The following NFRKB variants were observed in gnomAD, a reference collection of about 807,000 sequenced individuals.
NFRKB encodes the protein nuclear factor related to kappa-B-binding protein.
A neutral mutation model predicts 135.7 loss-of-function variants in NFRKB; 62 were observed. The ratio of observed to expected loss-of-function variants is 0.46; its 90% CI spans 0.37 to 0.56. The LOEUF (loss-of-function observed/expected upper bound fraction) is 0.56, where lower values mean the gene tolerates loss of function less well. Among genes scored for constraint, NFRKB ranks in the 20% least tolerant of loss-of-function variants. The probability of loss-of-function intolerance (pLI) is 0.00; values close to 1 mark genes in which losing one functional copy is unlikely to be tolerated. For synonymous variants in NFRKB, 678 were observed against 635.6 expected (o/e 1.07, Z -1.00); for missense variants, 1,545 against 1,662.0 (o/e 0.93, Z 1.22).
At chr11:129,888,893 C>G in intron 3 of NFRKB, 98 bp from the exon 4 acceptor site, 1 of 864,466 alleles carries the variant, frequency 1.2e-6, no homozygotes, top group Non-Finnish European at 1.8e-6. Flanking sequence ...ATAAGATTTA[C>G]CAATTTAACC....
At chr11:129,889,951 CGTGTGTGTGTGTGT>C (rs56216860) in intron 3 of NFRKB, among the ~76,000 whole-genome samples, 4 of 135,286 alleles carry the variant, frequency 3.0e-5, no homozygotes, top group African/African-American at 8.4e-5. Flanking sequence ...TATTGTCTTA[CGTGTGTGTGTGTGT>C]GTGTGTGTGT....
At chr11:129,889,824 A>AG (rs1949456065) in intron 3 of NFRKB, among the ~76,000 whole-genome samples, 1 of 151,586 alleles carries the variant, frequency 6.6e-6, no homozygotes, top group Non-Finnish European at 1.5e-5. Flanking sequence ...AACACAAAAG[A>AG]AAGGATAGCA....
Position 129,870,168 on chromosome 11 carries a change from A to G in NFRKB, c.2857T>C (p.Leu953=). The G allele has an allele frequency of 6.2e-7, 1 of 1,614,184 alleles. No homozygotes were observed. The highest frequency in any genetic ancestry group is 8.5e-7 in the Non-Finnish European group (1 of 1,180,044). Residue 953 remains leucine (L), a synonymous_variant, in exon 24 of 27, where the codon TTG becomes CTG. Transcript: ENST00000682444. Reference sequence around the variant, plus strand: ...GTGATGGAAGAGGGCGGCAGACGCAATACATCCTTACCCTGGATGCGGAAG... The same window carrying G: ...GTGATGGAAGAGGGCGGCAGACGCAGTACATCCTTACCCTGGATGCGGAAG... ...TNFRIQGKDV[L]RLPPSSITTD...
In NFRKB at chr11:129,868,662, TTAC is replaced by T. The variant is rs1254286230; in HGVS notation, c.3531+829_3531+831del. On this transcript the variant is annotated intron_variant, in intron 24 of 26. Coordinates refer to ENST00000682444, the MANE Select transcript of NFRKB (RefSeq NM_001143835.2). ...CCTTTAGCAGAGCCCCTTCTACCGGTTACTACACCATTCAAAAGACCCCAGTCA... is the reference window on the plus strand; with the variant it reads ...CCTTTAGCAGAGCCCCTTCTACCGGTTACACCATTCAAAAGACCCCAGTCA... Among the ~76,000 whole-genome samples, 7 of 152,318 alleles carry T rather than the reference TTAC, an allele frequency of 4.6e-5. No homozygotes were observed. The South Asian group carries it at 1.2e-3, about 27-fold the overall frequency.
At position 129,885,419 on chromosome 11, in the gene NFRKB, G is replaced by A; in HGVS notation, c.640+16C>T. The A allele has an allele frequency of 3.1e-6, 5 of 1,589,640 alleles. No homozygotes were observed. Among genetic ancestry groups the A allele is most frequent in the South Asian group, 1.1e-5 (1 of 89,376 alleles). ...ATCCAATACCCCAGCTACCCCAAGT[G>A]CCCGAGGACACTCACCCTCTTCATC... On this transcript the variant is annotated intron_variant, in intron 6 of 26. Coordinates refer to ENST00000682444, the MANE Select transcript of NFRKB (RefSeq NM_001143835.2).
At chr11:129,875,978 C>T (rs1948748823) in intron 17 of NFRKB, among the ~76,000 whole-genome samples, 1 of 152,122 alleles carries the variant, frequency 6.6e-6, no homozygotes, top group Admixed American at 6.5e-5. Flanking sequence ...TTAAGAGTCA[C>T]TTTTAGGTAA....
chr11:129,888,323 T>C, intron 4 of NFRKB: 1 of 628,454 alleles, frequency 1.6e-6, no homozygotes, highest in South Asian at 1.9e-5. Flanking sequence ...TCTAGTATGC[T>C]GGAAATGTTT....
intron 3 of NFRKB, among the ~76,000 whole-genome samples, chr11:129,892,396 C>G (rs1468597339): frequency 6.6e-6 from 1 of 152,100 alleles, no homozygotes; most frequent in Non-Finnish European, 1.5e-5. Flanking sequence ...CTTTTTATGG[C>G]TGAGTAGTAT....
chr11:129,870,379 A>G (rs929775044), intron 23 of NFRKB, 118 bp from the exon 24 acceptor site: 9 of 1,211,802 alleles, frequency 7.4e-6, no homozygotes, highest in Admixed American at 5.0e-5. Flanking sequence ...TTAACTTTTT[A>G]TTTTGCAAAC....
intron 8 of NFRKB, among the ~76,000 whole-genome samples, chr11:129,883,721 T>G (rs1407518059): frequency 2.0e-5 from 3 of 152,102 alleles, no homozygotes; most frequent in Admixed American, 2.0e-4. Flanking sequence ...ATGGAAACAG[T>G]AAAAAGTGGG....
At position 129,869,772 on chromosome 11, in the gene NFRKB, C is replaced by G. The variant is rs1342325329; in HGVS notation, c.3253G>C (p.Ala1085Pro). ...STVASSEAKP[A>P]ATIRIVQGLG... The stretch of plus-strand genomic sequence containing the variant: ...CCCTGCACGATGCGGATCGTGGCAG[C>G]TGGTTTTGCTTCTGAAGAGGCCACT... Residue 1085 changes from alanine to proline, a missense_variant, in exon 24 of 27, where the codon GCT (alanine) becomes CCT (proline). By Grantham distance (27) the Ala-to-Pro change is conservative (BLOSUM62 -1). Transcript: ENST00000682444. The G allele has an allele frequency of 3.7e-6, 6 of 1,614,254 alleles. No homozygotes were observed. The South Asian group carries it at 5.5e-5, about 15-fold the overall frequency.
At position 129,882,571 on chromosome 11, in the gene NFRKB, T is replaced by C; in HGVS notation, c.962A>G (p.Lys321Arg). 1 of 1,614,166 alleles carries C rather than the reference T, an allele frequency of 6.2e-7. No homozygotes were observed. The highest frequency in any genetic ancestry group is 1.1e-5 in the South Asian group (1 of 91,088). ...KVKEKEEKKK[K>R]KIKTIKSEAE... is the part of the protein sequence containing the mutation. The stretch of plus-strand genomic sequence containing the variant: ...CTCTGATTTGATCGTTTTTATTTTC[T>C]TCTTCTTCTTTTCCTCTTTTTCCTT... The change falls in exon 10 of 27, where the codon AAG becomes AGG. Residue 321 changes from lysine (K) to arginine (R), a missense_variant. Physicochemically the swap from Lys to Arg is conservative, Grantham distance 26. Around this residue, in one of 3 missense-constraint regions of NFRKB, gnomAD observed 678 missense variants for 646.7 expected, o/e 1.05. Coordinates refer to ENST00000682444, the MANE Select transcript of NFRKB (RefSeq NM_001143835.2).
At position 129,882,558 on chromosome 11, in the gene NFRKB, C is replaced by A. The variant is rs775574452; in HGVS notation, c.975G>T (p.Thr325=). The A allele has an allele frequency of 6.2e-7, 1 of 1,614,070 alleles. No individual in the cohort carries two copies. Among genetic ancestry groups the A allele is most frequent in the Non-Finnish European group, 8.5e-7 (1 of 1,179,986 alleles). ...KEEKKKKKIK[T]IKSEAEDLAE... The stretch of plus-strand genomic sequence containing the variant: ...CCAGGTCCTCTGCCTCTGATTTGAT[C>A]GTTTTTATTTTCTTCTTCTTCTTTT... Residue 325 remains threonine, a synonymous_variant, in exon 10 of 27, where the codon ACG becomes ACT. Coordinates refer to ENST00000682444, the MANE Select transcript of NFRKB (RefSeq NM_001143835.2).
chr11:129,881,607 T>G, intron 12 of NFRKB, 99 bp from the exon 13 acceptor site: 2 of 1,590,764 alleles, frequency 1.3e-6, no homozygotes, highest in Non-Finnish European at 1.7e-6. Context: ...AGCAGGAACC[T>G]TCAAGGCATA....
At position 129,876,871 on chromosome 11, in the gene NFRKB, G is replaced by A. The variant is rs909056211; in HGVS notation, c.1597C>T (p.His533Tyr). 1 of 1,614,000 alleles carries A rather than the reference G, an allele frequency of 6.2e-7. No homozygotes were observed. The highest frequency in any genetic ancestry group is 1.3e-5 in the African/African-American group (1 of 74,904). ...TGCATGCGAAAGGTGAACGCCTTAT[G>A]GGGTTGGCTATACCTGTAACGCTCC... ...EQERYRYSQP[H>Y]KAFTFRMHGF... Residue 533 changes from histidine (H) to tyrosine (Y), a missense_variant, in exon 17 of 27, where the codon CAT becomes TAT. Physicochemically the swap from His to Tyr is moderately conservative, Grantham distance 83. This residue lies in a region of NFRKB where 114 missense variants were observed against 211.0 expected (regional missense o/e 0.54). Coordinates refer to ENST00000682444, the MANE Select transcript of NFRKB (RefSeq NM_001143835.2).
Position 129,874,495 on chromosome 11 carries a change from A to T in NFRKB, c.2058+6T>A. ...CTAGGGCAGACACTCTCCTGAAGTC[A>T]CTTACCACCTTGGATGGGGGCTTGG... is the stretch of plus-strand genomic sequence containing the variant. On this transcript the variant is annotated splice_donor_region_variant and intron_variant, in intron 20 of 26. Transcript: ENST00000682444. The surrounding 1 kb of genome is among the most constrained non-coding windows in gnomAD (Gnocchi z 4.5). 1 of 1,613,122 alleles carries T rather than the reference A, an allele frequency of 6.2e-7. No homozygotes were observed. Among genetic ancestry groups the T allele is most frequent in the Non-Finnish European group, 8.5e-7 (1 of 1,179,662 alleles).
In NFRKB at chr11:129,864,691, C is replaced by A. The variant is rs1397542177; in HGVS notation, c.*34G>T. The A allele has an allele frequency of 1.2e-6, 2 of 1,613,556 alleles. No individual in the cohort carries two copies. The highest frequency in any genetic ancestry group is 1.7e-6 in the Non-Finnish European group (2 of 1,179,988). ...CCCTTCTCAGCCAGGACAGACCAGG[C>A]ATGGTCTTTCACGGAAGCCATCCTC... On this transcript the variant is annotated 3_prime_UTR_variant, in exon 27 of 27. Coordinates refer to ENST00000682444, the MANE Select transcript of NFRKB (RefSeq NM_001143835.2).
rs1949521750 is a variant in NFRKB at position 129,890,732 on chromosome 11, C to T, written c.136-1937G>A. Among the ~76,000 whole-genome samples the T allele has an allele frequency of 1.3e-5, 2 of 152,120 alleles. 1 individual carries two copies. The highest frequency in any genetic ancestry group is 4.1e-4 in the South Asian group (2 of 4,830). ...TAAGCACTTAATAAACGGTAGCCAC[C>T]TTAATGATGACAATGACGCATCTTG... On this transcript the variant is annotated intron_variant, in intron 3 of 26. Coordinates refer to ENST00000682444, the MANE Select transcript of NFRKB (RefSeq NM_001143835.2).
rs1234670923 is a variant in NFRKB at position 129,873,859 on chromosome 11, G to A, written c.2436C>T (p.Ser812=). Residue 812 remains serine, a synonymous_variant, in exon 22 of 27, where the codon AGC becomes AGT. Transcript: ENST00000682444. ...LSQVRVVAQP[S]LPAVPQQSGG... is the part of the protein sequence containing the mutation. ...CCGACTGCTGGGGAACAGCAGGAAG[G>A]CTAGGCTGGGCCACCACTCGCACCT... is the stretch of plus-strand genomic sequence containing the variant. The A allele has an allele frequency of 1.2e-6, 2 of 1,614,006 alleles. No homozygotes were observed. The highest frequency in any genetic ancestry group is 2.7e-5 in the African/African-American group (2 of 74,914).
Sources: gnomAD v4.1 joint callset for allele counts (sites outside exome capture counted in the v4.1 genomes callset) on GRCh38, gnomAD v4.1.1 for gene constraint, gnomAD v4.1.1 regional missense constraint, Gnocchi (gnomAD v3.1) non-coding constraint, MANE v1.5 for transcripts, NCBI Gene and HGNC (gene_info 2026-07-23, HGNC 2026-07-21) for gene names.